The following INTS13 variants were observed in gnomAD, a reference collection of about 807,000 sequenced individuals.
INTS13 encodes integrator complex subunit 13.
A neutral mutation model predicts 90.2 loss-of-function variants in INTS13; 35 were observed. The ratio of observed to expected loss-of-function variants is 0.39; its 90% CI spans 0.30 to 0.51. The LOEUF (loss-of-function observed/expected upper bound fraction) is 0.51, where lower values mean the gene tolerates loss of function less well. Ranked by LOEUF, INTS13 falls within the 20% of genes least tolerant of loss-of-function variation. INTS13 has a pLI of 0.80. For synonymous variants in INTS13, 309 were observed against 277.1 expected, an observed-to-expected ratio of 1.11 and a Z score of -1.14; for missense variants, 601 against 851.2, an observed-to-expected ratio of 0.71 and a Z score of 3.66.
At chr12:26,924,251 C>A in intron 7 of INTS13, 104 bp downstream of exon 7, 4 of 1,307,626 alleles carry the variant, frequency 3.1e-6, no homozygotes, top group Admixed American at 2.4e-5. Context: ...TCTCAGCCTC[C>A]CAAAGTGCTG....
At chr12:26,906,734 A>G (rs1951621117) in intron 15 of INTS13, among the ~76,000 whole-genome samples, 2 of 152,236 alleles carry the variant, frequency 1.3e-5, no homozygotes. Flanking sequence ...GTAAGGAGAC[A>G]CAGCCAGATC....
intron 14 of INTS13, among the ~76,000 whole-genome samples, chr12:26,912,160 C>T (rs115621197): frequency 9.2e-5 from 14 of 152,208 alleles, no homozygotes; most frequent in South Asian, 8.3e-4. Context: ...TTTCGTCAGT[C>T]GCAGTGGCTC....
Position 26,909,473 on chromosome 12 carries a change from T to C in INTS13, c.1945+1705A>G, listed in dbSNP as rs73288199. On this transcript the variant is annotated intron_variant, in intron 15 of 16. Coordinates refer to ENST00000261191, the MANE Select transcript of INTS13 (RefSeq NM_018164.3). Reference sequence around the variant, plus strand: ...ATTTTTGCCAGTATAGATAATACTCTTTTTTTTTTTTTTTTTTTTTAGAGA... The same window carrying C: ...ATTTTTGCCAGTATAGATAATACTCCTTTTTTTTTTTTTTTTTTTTAGAGA... Among the ~76,000 whole-genome samples, 358 of 47,292 alleles carry C rather than the reference T, an allele frequency of 7.6e-3. 15 individuals carry two copies. Among genetic ancestry groups the C allele is most frequent in the Admixed American group, 9.0e-3 (40 of 4,466 alleles). The allele number at this position is 47,292 out of a possible 152,430, so 31.0% of individuals were successfully genotyped here.
rs1327859052 is a variant in INTS13 at position 26,905,531 on chromosome 12, T to C, written c.2087A>G (p.Glu696Gly). The change falls in exon 17 of 17, where the codon GAG becomes GGG. Residue 696 changes from glutamate (E) to glycine (G), a missense_variant. Glu to Gly is a moderately conservative substitution (Grantham distance 98). Around this residue, in one of 3 missense-constraint regions of INTS13, gnomAD observed 228 missense variants for 272.5 expected, o/e 0.84. Coordinates refer to ENST00000261191, the MANE Select transcript of INTS13 (RefSeq NM_018164.3). ...YQHLKEENGM[E>G]TTENGKASRQ The stretch of plus-strand genomic sequence containing the variant: ...GCTGGCTTTTCCATTTTCTGTTGTC[T>C]CCATCCTGAAATAGGAAGAAAAAAA... 1 of 1,612,094 alleles carries C rather than the reference T, an allele frequency of 6.2e-7. No individual in the cohort carries two copies. The highest frequency in any genetic ancestry group is 1.7e-5 in the Admixed American group (1 of 59,754).
At chr12:26,925,658 C>A (rs1937827349) in intron 6 of INTS13, 103 bp downstream of exon 6, 1 of 977,302 alleles carries the variant, frequency 1.0e-6, no homozygotes, top group African/African-American at 1.7e-5. Flanking sequence ...AAAATATTTT[C>A]TTGGCAGAAA....
At chr12:26,915,862 A>C (rs1487658704) in intron 11 of INTS13, 140 bp downstream of exon 11, 1 of 589,004 alleles carries the variant, frequency 1.7e-6, no homozygotes, top group Non-Finnish European at 2.8e-6. Flanking sequence ...TATTGCAGGA[A>C]ATTCACCTAA....
chr12:26,933,992 A>G (rs532755226), intron 3 of INTS13, among the ~76,000 whole-genome samples: 1 of 152,364 alleles, frequency 6.6e-6, no homozygotes, highest in East Asian at 1.9e-4. Flanking sequence ...AAACTTTGAA[A>G]TAACCAACAA....
At chr12:26,915,536 C>A (rs1285650525) in intron 11 of INTS13, among the ~76,000 whole-genome samples, 2 of 151,868 alleles carry the variant, frequency 1.3e-5, no homozygotes, top group Non-Finnish European at 2.9e-5. Flanking sequence ...CTATGAAATA[C>A]CAAATAGGAA....
At chr12:26,917,839 A>AAAAAAACC in intron 8 of INTS13, 106 bp from the exon 9 acceptor site, 1 of 497,878 alleles carries the variant, frequency 2.0e-6, no homozygotes, top group Non-Finnish European at 3.7e-6. Flanking sequence ...AAATAATAAA[A>AAAAAAACC]GCGGCCGGGT....
intron 8 of INTS13, among the ~76,000 whole-genome samples, chr12:26,920,127 C>A (rs866042095): frequency 9.9e-4 from 133 of 134,566 alleles, no homozygotes; most frequent in Admixed American, 1.0e-3. Flanking sequence ...GACTCTGTCT[C>A]AAAAAAAAAA....
At chr12:26,914,692 T>C (rs1951880272) in intron 11 of INTS13, 114 bp from the exon 12 acceptor site, 3 of 800,526 alleles carry the variant, frequency 3.7e-6, no homozygotes, top group Non-Finnish European at 5.7e-6. Flanking sequence ...CAACAAAACA[T>C]TTTTTCTAAC....
intron 15 of INTS13, among the ~76,000 whole-genome samples, chr12:26,907,011 T>C (rs1951631918): frequency 6.6e-6 from 1 of 152,214 alleles, no homozygotes. Flanking sequence ...TTCAGTTCAT[T>C]ATCTAGGCAA....
chr12:26,928,484 G>A (rs1938007254), intron 4 of INTS13, among the ~76,000 whole-genome samples, 199 bp from the exon 5 acceptor site: 2 of 151,476 alleles, frequency 1.3e-5, no homozygotes, highest in Non-Finnish European at 2.9e-5. Context: ...CCTACATGAT[G>A]GCAATCTAAA....
At chr12:26,928,554 C>CAAAAAAAAA in intron 4 of INTS13, 149 bp downstream of exon 4, 1 of 586,852 alleles carries the variant, frequency 1.7e-6, no homozygotes, top group Non-Finnish European at 2.6e-6. Flanking sequence ...TATTAAAAGG[C>CAAAAAAAAA]AAAAAAAAAA....
At chr12:26,933,538 C>T (rs1938309069) in intron 3 of INTS13, among the ~76,000 whole-genome samples, 1 of 152,146 alleles carries the variant, frequency 6.6e-6, no homozygotes, top group African/African-American at 2.4e-5. Flanking sequence ...GGAATTTCTA[C>T]ACCCAAAGTA....
intron 1 of INTS13, among the ~76,000 whole-genome samples, chr12:26,937,465 T>C (rs1387252097): frequency 1.3e-5 from 2 of 152,242 alleles, no homozygotes; most frequent in South Asian, 2.1e-4. Context: ...GTTGTTACCA[T>C]CACACTGGTG....
chr12:26,919,441 A>G (rs1172677799), intron 8 of INTS13, among the ~76,000 whole-genome samples: 1 of 152,160 alleles, frequency 6.6e-6, no homozygotes, highest in Non-Finnish European at 1.5e-5. Context: ...GTTTAAGGTC[A>G]TGAGAACATG....
rs1045203963 is a variant in INTS13 at position 26,917,556 on chromosome 12, G to A, written c.979+88C>T. ...ATTGAGTCCTGAAACAATGAAAAAC[G>A]AAAATGCAAAACAGAATAAATTGAC... On this transcript the variant is annotated intron_variant, in intron 9 of 16. Transcript: ENST00000261191. 4.4e-6 allele frequency: 6 copies of A among 1,356,782 alleles called. No homozygotes were observed. The African/African-American group carries it at 4.4e-5, about 10-fold the overall frequency. 84.0% of individuals were successfully genotyped at this position (1,356,782 alleles called of 1,614,324 possible). A position where few individuals can be genotyped will look rare whatever the true frequency, so the allele number is the denominator to read the frequency against.
At chr12:26,923,687 C>T (rs147859379) in intron 7 of INTS13, among the ~76,000 whole-genome samples, 1 of 152,244 alleles carries the variant, frequency 6.6e-6, no homozygotes, top group Non-Finnish European at 1.5e-5. Flanking sequence ...AAAAAATCCA[C>T]CAGTAAAATC....
Sources: allele counts gnomAD v4.1 joint callset (sites outside exome capture counted in the v4.1 genomes callset), GRCh38; gene constraint gnomAD v4.1.1; regional missense constraint gnomAD v4.1.1; transcripts MANE v1.5; gene names NCBI Gene and HGNC (gene_info 2026-07-23, HGNC 2026-07-21).